The following ADGRA3 variants were observed in gnomAD, a reference collection of about 807,000 sequenced individuals.
ADGRA3 encodes adhesion G protein-coupled receptor A3.
In ADGRA3, 56 loss-of-function variants were observed where a neutral mutation model predicts 119.8. The ratio of observed to expected loss-of-function variants is 0.47; its 90% CI spans 0.38 to 0.58. The LOEUF (loss-of-function observed/expected upper bound fraction) is 0.58. ADGRA3 is among the 20% of genes least tolerant of loss of function. The pLI is 0.00. For missense variants in ADGRA3, 1,516 were observed against 1,649.0 expected (o/e 0.92, Z 1.40); for synonymous variants, 607 against 623.8 (o/e 0.97, Z 0.40).
chr4:22,494,462 G>T (rs1718741192), intron 1 of ADGRA3, among the ~76,000 whole-genome samples: 2 of 151,860 alleles, frequency 1.3e-5, no homozygotes, highest in South Asian at 2.1e-4. Context: ...TAATAAACTT[G>T]CTTTCACTTT....
In ADGRA3 at chr4:22,455,028, T is replaced by TCGCACAAGACCTTTATTCTA; in HGVS notation, c.402-111_402-92dup. The TCGCACAAGACCTTTATTCTA allele has an allele frequency of 3.6e-6, 3 of 842,840 alleles. No individual in the cohort carries two copies. The East Asian group carries it at 7.4e-5, about 21-fold the overall frequency. 52.2% of individuals were successfully genotyped at this position (842,840 alleles called of 1,614,324 possible). On this transcript the variant is annotated intron_variant, in intron 3 of 18. Coordinates refer to ENST00000334304, the MANE Select transcript of ADGRA3 (RefSeq NM_145290.4). Reference sequence around the variant, plus strand: ...AGTATTCAAGAACAGCACCCAGGTATCGCACAAGACCTTTATTCTAGCAAC... The same window carrying TCGCACAAGACCTTTATTCTA: ...AGTATTCAAGAACAGCACCCAGGTATCGCACAAGACCTTTATTCTACGCACAAGACCTTTATTCTAGCAAC...
At chr4:22,467,325 T>A (rs1357757712) in intron 2 of ADGRA3, among the ~76,000 whole-genome samples, 2 of 152,290 alleles carry the variant, frequency 1.3e-5, no homozygotes, top group South Asian at 2.1e-4. Flanking sequence ...CAGGACTTAC[T>A]TATTAGTTCC....
intron 10 of ADGRA3, among the ~76,000 whole-genome samples, chr4:22,429,117 T>C (rs918188248): frequency 4.6e-5 from 7 of 152,038 alleles, no homozygotes; most frequent in African/African-American, 1.7e-4. Context: ...ATTCAAAACT[T>C]TAAAAAAAAC....
At chr4:22,439,255 C>T (rs936393093) in intron 7 of ADGRA3, among the ~76,000 whole-genome samples, 1 of 152,186 alleles carries the variant, frequency 6.6e-6, no homozygotes, top group African/African-American at 2.4e-5. Flanking sequence ...CCAATTAATA[C>T]TTTCACAAAA....
At position 22,407,834 on chromosome 4, in the gene ADGRA3, A is replaced by T. The variant is rs76950880; in HGVS notation, c.2233-5035T>A. ...CAGGCCTCAGAATTACTGAATATAAAATCAGTGGACATTTTCCATAATTAT... is the reference window on the plus strand; with the variant it reads ...CAGGCCTCAGAATTACTGAATATAATATCAGTGGACATTTTCCATAATTAT... On this transcript the variant is annotated intron_variant, in intron 14 of 18. Transcript: ENST00000334304. 9.0e-3 allele frequency among the ~76,000 whole-genome samples: 1,372 copies of T among 152,298 alleles called. 42 individuals carry two copies. Among genetic ancestry groups the T allele is most frequent in the South Asian group, 0.057 (275 of 4,824 alleles).
chr4:22,398,128 G>A (rs1714444937), intron 16 of ADGRA3: 2 of 984,928 alleles, frequency 2.0e-6, no homozygotes, highest in Non-Finnish European at 2.4e-6. Context: ...TTACAGATGT[G>A]TAGTAACAGC....
At chr4:22,456,694 T>C (rs1456967149) in intron 3 of ADGRA3, among the ~76,000 whole-genome samples, 2 of 152,174 alleles carry the variant, frequency 1.3e-5, no homozygotes, top group African/African-American at 2.4e-5. Context: ...TCTCTCCCTC[T>C]GTGATCATGT....
At chr4:22,478,198 C>A (rs368861933) in intron 1 of ADGRA3, 2 of 152,186 alleles carry the variant, frequency 1.3e-5, no homozygotes, top group East Asian at 3.8e-4. Context: ...TACCATTTAA[C>A]ACAGTACCAA....
intron 1 of ADGRA3, among the ~76,000 whole-genome samples, chr4:22,482,487 C>T: frequency 1.5e-5 from 1 of 65,048 alleles, no homozygotes; most frequent in South Asian, 7.6e-4. Context: ...GAGACCCCAA[C>T]TCTTAAAAAA....
At chr4:22,508,874 T>C (rs1719336559) in intron 1 of ADGRA3, among the ~76,000 whole-genome samples, 1 of 152,102 alleles carries the variant, frequency 6.6e-6, no homozygotes, top group South Asian at 2.1e-4. Flanking sequence ...TCTTTCCCCT[T>C]CCTCTTGGCC....
intron 2 of ADGRA3, among the ~76,000 whole-genome samples, chr4:22,467,828 C>T (rs1258515178): frequency 6.6e-6 from 1 of 152,098 alleles, no homozygotes; most frequent in Admixed American, 6.5e-5. Flanking sequence ...ATGGCTAAAT[C>T]TGAATACATT....
At chr4:22,505,291 C>A (rs1383956767) in intron 1 of ADGRA3, among the ~76,000 whole-genome samples, 3 of 152,146 alleles carry the variant, frequency 2.0e-5, no homozygotes, top group Non-Finnish European at 4.4e-5. Context: ...ACCCACCAGT[C>A]CCTTTGGCAA....
At chr4:22,394,845 T>A (rs1254795384) in intron 16 of ADGRA3, 1 of 152,192 alleles carries the variant, frequency 6.6e-6, no homozygotes, top group East Asian at 1.9e-4. Flanking sequence ...TTACCAATAG[T>A]GGAATTTTAG....
At chr4:22,431,410 C>A (rs1716163312) in intron 10 of ADGRA3, among the ~76,000 whole-genome samples, 1 of 152,192 alleles carries the variant, frequency 6.6e-6, no homozygotes, top group Non-Finnish European at 1.5e-5. Flanking sequence ...GGCAGAGCTG[C>A]CCAAGACCAT....
chr4:22,454,190 A>C (rs563048334), intron 4 of ADGRA3, among the ~76,000 whole-genome samples: 1 of 152,282 alleles, frequency 6.6e-6, no homozygotes, highest in South Asian at 2.1e-4. Context: ...TAAAAAAGAT[A>C]TAAACATACT....
At chr4:22,466,746 G>A (rs779840398) in intron 2 of ADGRA3, among the ~76,000 whole-genome samples, 8 of 151,882 alleles carry the variant, frequency 5.3e-5, no homozygotes, top group Non-Finnish European at 7.4e-5. Context: ...AGCACTCTGC[G>A]CCCTGTCCTG....
chr4:22,445,703 A>G (rs1023008656), intron 5 of ADGRA3, among the ~76,000 whole-genome samples: 1 of 152,194 alleles, frequency 6.6e-6, no homozygotes, highest in Non-Finnish European at 1.5e-5. Context: ...GCTATGTGCC[A>G]AGTGACACTA....
intron 1 of ADGRA3, among the ~76,000 whole-genome samples, chr4:22,485,551 C>G (rs1454333975): frequency 6.6e-6 from 1 of 152,092 alleles, no homozygotes; most frequent in Non-Finnish European, 1.5e-5. Context: ...GCCTCTCATT[C>G]TGTTGATTTC....
chr4:22,461,998 G>A (rs543646821), intron 2 of ADGRA3, among the ~76,000 whole-genome samples, 190 bp from the exon 3 acceptor site: 1 of 152,140 alleles, frequency 6.6e-6, no homozygotes, highest in South Asian at 2.1e-4. Flanking sequence ...GACAAATCTG[G>A]CTCCAAAGCC....
Sources: gnomAD v4.1 joint callset for allele counts (sites outside exome capture counted in the v4.1 genomes callset) on GRCh38, gnomAD v4.1.1 for gene constraint, MANE v1.5 for transcripts, NCBI Gene and HGNC (gene_info 2026-07-23, HGNC 2026-07-21) for gene names.